Variants in HEPACAM observed in about 807,000 individuals in gnomAD.
HEPACAM encodes the protein hepatic and glial cell adhesion molecule.
Under a neutral mutation model 38.3 loss-of-function variants are expected in HEPACAM, and 18 were observed. That is an observed-to-expected ratio of 0.47 (90% CI 0.33 to 0.70). The LOEUF is 0.70. HEPACAM is among the 30% of genes least tolerant of loss of function. The probability of loss-of-function intolerance (pLI) is 0.03; values close to 1 mark genes in which losing one functional copy is unlikely to be tolerated. For missense variants in HEPACAM, 466 were observed against 563.0 expected, an observed-to-expected ratio of 0.83 and a Z score of 1.74; for synonymous variants, 216 against 243.1, an observed-to-expected ratio of 0.89 and a Z score of 1.04.
rs1325275801 is a variant in HEPACAM, at chr11:124,924,470, T to A, written c.427+258A>T. 2.4e-5 allele frequency: 13 copies of A among 552,384 alleles called. No homozygotes were observed. The highest frequency in any genetic ancestry group is 3.9e-5 in the Non-Finnish European group (12 of 306,846). The allele number at this position is 552,384 out of a possible 1,614,324, so 34.2% of individuals were successfully genotyped here. ...CATCTGCAAAATTAGGATAATGATA[T>A]GAACTATCACCAGACTATTATAAGC... On this transcript the variant is annotated intron_variant, in intron 2 of 6. Transcript: ENST00000298251. The surrounding 1 kb of genome is among the most constrained non-coding windows in gnomAD (Gnocchi z 4.4).
rs1480894967 is a variant in HEPACAM at position 124,920,561 on chromosome 11, C to T, written c.*577G>A. 6 of 1,342,612 alleles carry T rather than the reference C, an allele frequency of 4.5e-6. No individual in the cohort carries two copies. In the Admixed American group the frequency reaches 1.3e-4, roughly 30 times the overall value. 83.2% of individuals were successfully genotyped at this position (1,342,612 alleles called of 1,614,324 possible). A position where few individuals can be genotyped will look rare whatever the true frequency, so the allele number is the denominator to read the frequency against. On this transcript the variant is annotated 3_prime_UTR_variant, in exon 7 of 7. Coordinates refer to ENST00000298251, the MANE Select transcript of HEPACAM (RefSeq NM_152722.5). Reference sequence around the variant, plus strand: ...CCAGGTGCCCAGGGAAGAAGGCCTTCACAATGATCCCCCCAGCTCAGAACA... The same window carrying T: ...CCAGGTGCCCAGGGAAGAAGGCCTTTACAATGATCCCCCCAGCTCAGAACA...
intron 4 of HEPACAM, 78 bp downstream of exon 4, chr11:124,923,262 A>T: frequency 1.0e-6 from 1 of 964,084 alleles, no homozygotes; most frequent in Non-Finnish European, 1.7e-6. Flanking sequence ...AAAGGCATTT[A>T]AAGAGACTTA....
In HEPACAM at chr11:124,924,014, A is replaced by G. The variant is rs1947174813; in HGVS notation, c.428-4T>C. 6.2e-7 allele frequency: 1 copy of G among 1,605,992 alleles called. No individual in the cohort carries two copies. Among genetic ancestry groups the G allele is most frequent in the Admixed American group, 1.7e-5 (1 of 59,644 alleles). On this transcript the variant is annotated splice_polypyrimidine_tract_variant and splice_region_variant and intron_variant, in intron 2 of 6. Transcript: ENST00000298251. This position sits in a 1 kb window ranked among gnomAD's most constrained non-coding sequence, Gnocchi z 4.4. ...ACCTGTGGCCTCGAAATGGGCACTG[A>G]GCCGCAGGAATGGGGGAGCCTGTAA...
rs387907053 is a variant in HEPACAM at position 124,924,890 on chromosome 11, C to T, written c.265G>A (p.Gly89Ser). The T allele has an allele frequency of 3.1e-6, 5 of 1,614,196 alleles. No homozygotes were observed. The highest frequency in any genetic ancestry group is 4.2e-6 in the Non-Finnish European group (5 of 1,180,046). The change falls in exon 2 of 7, where the codon GGC (glycine) becomes AGC (serine). Residue 89 changes from glycine to serine, a missense_variant. Gly to Ser is a moderately conservative substitution (Grantham distance 56). Coordinates refer to ENST00000298251, the MANE Select transcript of HEPACAM (RefSeq NM_152722.5). This position sits in a 1 kb window ranked among gnomAD's most constrained non-coding sequence, Gnocchi z 4.4. The part of the protein sequence containing the change: ...VVQSIGTEVI[G>S]TLRPDYRDRI... ...TCTCGATAGTCAGGCCGCAGGGTGC[C>T]GATGACCTCTGTGCCAATGGACTGC...
chr11:124,932,200 C>G (rs7116907), intron 1 of HEPACAM, among the ~76,000 whole-genome samples: 35,402 of 151,936 alleles, frequency 0.23, 5,280 homozygotes, highest in East Asian at 0.68. Flanking sequence ...GCTAAATGTA[C>G]CTTCTTGTAT....
chr11:124,935,643 G>A (rs1290258774), intron 1 of HEPACAM, among the ~76,000 whole-genome samples: 4 of 152,196 alleles, frequency 2.6e-5, no homozygotes, highest in East Asian at 1.9e-4. Flanking sequence ...CATCCCATAC[G>A]AAATGGCCCA....
Position 124,919,690 on chromosome 11 carries a change from G to C in HEPACAM, c.*1448C>G. ...ATGCTGTGGGGTTCAGGGCAGAGGGGGCAAACTAGAAATGTCAGTGCCTTT... is the reference window on the plus strand; with the variant it reads ...ATGCTGTGGGGTTCAGGGCAGAGGGCGCAAACTAGAAATGTCAGTGCCTTT... On this transcript the variant is annotated 3_prime_UTR_variant, in exon 7 of 7. Coordinates refer to ENST00000298251, the MANE Select transcript of HEPACAM (RefSeq NM_152722.5). 6.3e-7 allele frequency: 1 copy of C among 1,580,928 alleles called. No homozygotes were observed. Among genetic ancestry groups the C allele is most frequent in the Non-Finnish European group, 8.6e-7 (1 of 1,162,306 alleles).
At chr11:124,923,691 GCTT>G in intron 3 of HEPACAM, 35 bp downstream of exon 3, 1 of 1,612,376 alleles carries the variant, frequency 6.2e-7, no homozygotes, top group Non-Finnish European at 8.5e-7. Context: ...GCCTCTTGGG[GCTT>G]TGAGTACTAA....
intron 1 of HEPACAM, among the ~76,000 whole-genome samples, chr11:124,926,112 G>C (rs1412759612): frequency 6.6e-6 from 1 of 152,214 alleles, no homozygotes; most frequent in Non-Finnish European, 1.5e-5. Flanking sequence ...TGAGACATGA[G>C]AATCGCTTGA....
In HEPACAM at chr11:124,924,513, A is replaced by G; in HGVS notation, c.427+215T>C. On this transcript the variant is annotated intron_variant, in intron 2 of 6. Coordinates refer to ENST00000298251, the MANE Select transcript of HEPACAM (RefSeq NM_152722.5). This position sits in a 1 kb window ranked among gnomAD's most constrained non-coding sequence, Gnocchi z 4.4. ...TTATAAGCATTAAATGAGTCAACAT[A>G]TGCAAAGCACTTAGAATAGTTTCTG... 1 of 628,810 alleles carries G rather than the reference A, an allele frequency of 1.6e-6. No individual in the cohort carries two copies. The highest frequency in any genetic ancestry group is 2.4e-5 in the Admixed American group (1 of 41,332). The allele number at this position is 628,810 out of a possible 1,614,324, so 39.0% of individuals were successfully genotyped here. A position where few individuals can be genotyped will look rare whatever the true frequency, so the allele number is the denominator to read the frequency against.
At position 124,928,259 on chromosome 11, in the gene HEPACAM, T is replaced by A. The variant is rs563551689; in HGVS notation, c.86-3190A>T. Among the ~76,000 whole-genome samples, 18 of 152,340 alleles carry A rather than the reference T, an allele frequency of 1.2e-4. 1 individual carries two copies. In the South Asian group the frequency reaches 3.1e-3, roughly 26 times the overall value. ...CCTTAAGGTTTCTTCCAATTCTTAA[T>A]TTCTGTGATTATCAACTGCTAGGTC... On this transcript the variant is annotated intron_variant, in intron 1 of 6. Coordinates refer to ENST00000298251, the MANE Select transcript of HEPACAM (RefSeq NM_152722.5).
Position 124,920,993 on chromosome 11 carries a change from C to A in HEPACAM, c.*145G>T. On this transcript the variant is annotated 3_prime_UTR_variant, in exon 7 of 7. Coordinates refer to ENST00000298251, the MANE Select transcript of HEPACAM (RefSeq NM_152722.5). ...GCACCCGCCTCCGTCTGCGCATGCT[C>A]ATACACGTTCACACCCGAGACACCA... The A allele has an allele frequency of 7.2e-7, 1 of 1,387,760 alleles. No homozygotes were observed. Among genetic ancestry groups the A allele is most frequent in the Non-Finnish European group, 9.3e-7 (1 of 1,075,360 alleles). 86.0% of individuals were successfully genotyped at this position (1,387,760 alleles called of 1,614,324 possible). A position where few individuals can be genotyped will look rare whatever the true frequency, so the allele number is the denominator to read the frequency against.
chr11:124,920,391 T>A lies in HEPACAM; in HGVS notation c.*747A>T, dbSNP rs1947111283. 5 of 1,547,734 alleles carry A rather than the reference T, an allele frequency of 3.2e-6. No individual in the cohort carries two copies. The East Asian group carries it at 1.2e-4, about 38-fold the overall frequency. ...TATTCATGAACAGAGACAGAAAGAGTGCTTGGCATGGCATGCCTCCGAGGG... is the reference window on the plus strand; with the variant it reads ...TATTCATGAACAGAGACAGAAAGAGAGCTTGGCATGGCATGCCTCCGAGGG... On this transcript the variant is annotated 3_prime_UTR_variant, in exon 7 of 7. Transcript: ENST00000298251.
rs1947116108 is a variant in HEPACAM at position 124,920,609 on chromosome 11, G to C, written c.*529C>G. ...ACAGCCCCTGCACACCCAGTAACCG[G>C]CATCTGGCTTCTCCTTAGCTTAGTG... On this transcript the variant is annotated 3_prime_UTR_variant, in exon 7 of 7. Transcript: ENST00000298251. 1 of 1,077,966 alleles carries C rather than the reference G, an allele frequency of 9.3e-7. No individual in the cohort carries two copies. The highest frequency in any genetic ancestry group is 1.1e-6 in the Non-Finnish European group (1 of 882,282). 66.8% of individuals were successfully genotyped at this position (1,077,966 alleles called of 1,614,324 possible).
rs996212678 is a variant in HEPACAM, at chr11:124,920,175, A to G, written c.*963T>C. 4.3e-6 allele frequency: 4 copies of G among 935,998 alleles called. No individual in the cohort carries two copies. The African/African-American group carries it at 6.6e-5, about 16-fold the overall frequency. 58.0% of individuals were successfully genotyped at this position (935,998 alleles called of 1,614,324 possible). ...ACCATTTCTCTGGAGATTAGGACTTATTCTCACAGCTGGAGGAAGCTCAAC... is the reference window on the plus strand; with the variant it reads ...ACCATTTCTCTGGAGATTAGGACTTGTTCTCACAGCTGGAGGAAGCTCAAC... On this transcript the variant is annotated 3_prime_UTR_variant, in exon 7 of 7. Transcript: ENST00000298251.
In HEPACAM at chr11:124,920,677, GCAAAAAAAAAAAAAAAA is replaced by G. The variant is rs1383044265; in HGVS notation, c.*444_*460del. 2 of 108,152 alleles carry G rather than the reference GCAAAAAAAAAAAAAAAA, an allele frequency of 1.8e-5. No individual in the cohort carries two copies. Among genetic ancestry groups the G allele is most frequent in the South Asian group, 1.7e-4 (1 of 5,752 alleles). The allele number at this position is 108,152 out of a possible 1,614,324, so 6.7% of individuals were successfully genotyped here. Reference sequence around the variant, plus strand: ...AAAGTGGCCTCTCTAATCTGAACTTGCAAAAAAAAAAAAAAAAAAAAAAAAAAAAAAAGTGCCCCAGC... The same window carrying G: ...AAAGTGGCCTCTCTAATCTGAACTTGAAAAAAAAAAAAAAAGTGCCCCAGC... On this transcript the variant is annotated 3_prime_UTR_variant, in exon 7 of 7. Transcript: ENST00000298251.
chr11:124,935,960 C>G lies in HEPACAM; in HGVS notation c.47G>C (p.Arg16Pro). ...GALSRASRALRLAPFVYLLLI... is the reference protein window; with the variant it reads ...GALSRASRALPLAPFVYLLLI... ...AAGAAGGTAGACAAAAGGAGCAAGG[C>G]GCAGGGCCCTGGAGGCTCTGGACAG... Residue 16 changes from arginine to proline, a missense_variant, in exon 1 of 7, where the codon CGC (arginine) becomes CCC (proline). Coordinates refer to ENST00000298251, the MANE Select transcript of HEPACAM (RefSeq NM_152722.5). 2 of 1,614,062 alleles carry G rather than the reference C, an allele frequency of 1.2e-6. No homozygotes were observed. The highest frequency in any genetic ancestry group is 1.7e-6 in the Non-Finnish European group (2 of 1,179,998).
Position 124,921,152 on chromosome 11 carries a change from C to T in HEPACAM, c.1237G>A (p.Glu413Lys), listed in dbSNP as rs1947128579. The T allele has an allele frequency of 2.6e-6, 4 of 1,527,820 alleles. No individual in the cohort carries two copies. The highest frequency in any genetic ancestry group is 3.5e-6 in the Non-Finnish European group (4 of 1,144,368). 94.6% of individuals were successfully genotyped at this position (1,527,820 alleles called of 1,614,324 possible). A position where few individuals can be genotyped will look rare whatever the true frequency, so the allele number is the denominator to read the frequency against. ...CCCGAGGCGGCTCAGGCGCTGATCT[C>T]CACCGGGCCGGCCTCGTCTTGCTCG... ...IREQDEAGPV[E>K]ISA is the part of the protein sequence containing the mutation. Residue 413 changes from glutamate (E) to lysine (K), a missense_variant, in exon 7 of 7, where the codon GAG becomes AAG. Transcript: ENST00000298251. This position sits in a 1 kb window ranked among gnomAD's most constrained non-coding sequence, Gnocchi z 4.6.
At chr11:124,931,471 T>C (rs1467480317) in intron 1 of HEPACAM, among the ~76,000 whole-genome samples, 1 of 152,214 alleles carries the variant, frequency 6.6e-6, no homozygotes, top group East Asian at 1.9e-4. Flanking sequence ...CATCTTAAAG[T>C]GCTGGAATTA....
Sources: allele counts gnomAD v4.1 joint callset (sites outside exome capture counted in the v4.1 genomes callset), GRCh38; gene constraint gnomAD v4.1.1; non-coding constraint Gnocchi (gnomAD v3.1); transcripts MANE v1.5; gene names NCBI Gene and HGNC (gene_info 2026-07-23, HGNC 2026-07-21).